ZNF638: variants seen among roughly 807,000 people sequenced by gnomAD.
ZNF638 encodes the protein zinc finger protein 638, also known as CTCL tumor antigen se33-1.
A neutral mutation model predicts 195.6 loss-of-function variants in ZNF638; 46 were observed. That is an observed-to-expected ratio of 0.24 (90% CI 0.19 to 0.30). The LOEUF (loss-of-function observed/expected upper bound fraction) is 0.30, where lower values mean the gene tolerates loss of function less well. Among genes scored for constraint, ZNF638 ranks in the 10% least tolerant of loss-of-function variants. ZNF638 has a pLI of 1.00. For synonymous variants in ZNF638, 845 were observed against 772.0 expected (o/e 1.09, Z -1.57); for missense variants, 2,440 against 2,325.3 (o/e 1.05, Z -1.01).
chr2:71,388,083 A>T (rs1037087307), intron 10 of ZNF638, among the ~76,000 whole-genome samples: 2 of 152,298 alleles, frequency 1.3e-5, no homozygotes, highest in African/African-American at 4.8e-5. Context: ...CATTTCAGTT[A>T]ACCATGTTAG....
chr2:71,337,862 A>G (rs189040181), intron 1 of ZNF638, among the ~76,000 whole-genome samples: 12 of 150,486 alleles, frequency 8.0e-5, no homozygotes, highest in African/African-American at 2.4e-4. Context: ...TTAGTCTGGA[A>G]CATTTCCATA....
chr2:71,349,985 C>A lies in ZNF638; in HGVS notation c.1031C>A (p.Ser344Tyr). ...QQPFSSELIS[S>Y]VSQQERIPHE... The stretch of plus-strand genomic sequence containing the variant: ...CCTTTTTCGTCGGAATTAATTTCAT[C>A]TGTAAGCCAGCAAGAGCGGATCCCA... The change falls in exon 2 of 28, where the codon TCT (serine) becomes TAT (tyrosine). Residue 344 changes from serine to tyrosine, a missense_variant. By Grantham distance (144) the Ser-to-Tyr change is moderately radical. This residue lies in a region of ZNF638 where 305 missense variants were observed against 283.6 expected (regional missense o/e 1.08). Transcript: ENST00000264447. 5.0e-6 allele frequency: 8 copies of A among 1,614,196 alleles called. No individual in the cohort carries two copies. The highest frequency in any genetic ancestry group is 1.1e-5 in the South Asian group (1 of 91,082).
chr2:71,383,623 G>T, intron 10 of ZNF638, among the ~76,000 whole-genome samples: 1 of 137,424 alleles, frequency 7.3e-6, no homozygotes. Flanking sequence ...TGCCTAGTTT[G>T]GAGTACAGTG....
chr2:71,350,706 G>A (rs1210943709), intron 2 of ZNF638, among the ~76,000 whole-genome samples: 1 of 152,188 alleles, frequency 6.6e-6, no homozygotes. Flanking sequence ...ATATACACCT[G>A]TCTTGGGATA....
chr2:71,367,013 A>T (rs2079212340), intron 6 of ZNF638, among the ~76,000 whole-genome samples: 1 of 152,176 alleles, frequency 6.6e-6, no homozygotes, highest in Admixed American at 6.5e-5. Context: ...TCTCAACAGT[A>T]TTTAAATACA....
intron 8 of ZNF638, chr2:71,379,810 A>C (rs2079501967): frequency 6.6e-6 from 1 of 152,590 alleles, no homozygotes; most frequent in Admixed American, 6.5e-5. Flanking sequence ...GGGCCATGCT[A>C]ATTACCGTAT....
chr2:71,360,995 C>G (rs2079099824), intron 3 of ZNF638, among the ~76,000 whole-genome samples: 1 of 152,108 alleles, frequency 6.6e-6, no homozygotes, highest in Admixed American at 6.6e-5. Flanking sequence ...GAACCTGAAC[C>G]TAATGAAGAT....
intron 1 of ZNF638, among the ~76,000 whole-genome samples, chr2:71,346,068 G>T (rs1438446824): frequency 6.6e-6 from 1 of 152,176 alleles, no homozygotes; most frequent in South Asian, 2.1e-4. Flanking sequence ...AATGGAGATT[G>T]TTCCAAATGA....
At chr2:71,373,418 A>G (rs1240816846) in intron 8 of ZNF638, among the ~76,000 whole-genome samples, 1 of 146,188 alleles carries the variant, frequency 6.8e-6, no homozygotes, top group Non-Finnish European at 1.5e-5. Flanking sequence ...TGTGTTATGC[A>G]TACATATATC....
In ZNF638 at chr2:71,406,047, A is replaced by G. The variant is rs1281791144; in HGVS notation, c.3001-81A>G. On this transcript the variant is annotated intron_variant, in intron 18 of 27. Coordinates refer to ENST00000264447, the MANE Select transcript of ZNF638 (RefSeq NM_014497.5). ...GAGAGAACATCATCTGACCTCTGTA[A>G]TAGTAAGTTAATGTTAATCTGTTTT... 3.3e-6 allele frequency: 5 copies of G among 1,518,526 alleles called. No individual in the cohort carries two copies. The Admixed American group carries it at 7.0e-5, about 21-fold the overall frequency. The allele number at this position is 1,518,526 out of a possible 1,614,324, so 94.1% of individuals were successfully genotyped here.
At chr2:71,399,031 C>T (rs1474026839) in intron 12 of ZNF638, among the ~76,000 whole-genome samples, 1 of 152,098 alleles carries the variant, frequency 6.6e-6, no homozygotes, top group African/African-American at 2.4e-5. Flanking sequence ...TCTGTCGTTT[C>T]CCTCCATAAA....
intron 12 of ZNF638, 145 bp downstream of exon 12, chr2:71,398,917 T>A: frequency 1.4e-6 from 1 of 711,514 alleles, no homozygotes; most frequent in East Asian, 2.8e-5. Context: ...GTTGGAATTT[T>A]ATCTTTGGCA....
At position 71,365,331 on chromosome 2, in the gene ZNF638, CCT is replaced by C. The variant is rs1253196597; in HGVS notation, c.1718-97_1718-96del. The C allele has an allele frequency of 1.4e-5, 14 of 973,730 alleles. No homozygotes were observed. The East Asian group carries it at 3.3e-4, about 23-fold the overall frequency. The allele number at this position is 973,730 out of a possible 1,614,324, so 60.3% of individuals were successfully genotyped here. A position where few individuals can be genotyped will look rare whatever the true frequency, so the allele number is the denominator to read the frequency against. On this transcript the variant is annotated intron_variant, in intron 5 of 27. Transcript: ENST00000264447. The stretch of plus-strand genomic sequence containing the variant: ...AGATTTTTGTATTGTCTGTGTGCTC[CCT>C]GTTTAGCTTGAGAATAGCACTATGT...
chr2:71,361,124 G>C (rs940134181), intron 3 of ZNF638, among the ~76,000 whole-genome samples: 1 of 152,178 alleles, frequency 6.6e-6, no homozygotes, highest in African/African-American at 2.4e-5. Context: ...ACCACGCTCA[G>C]CTAATTTTTT....
At chr2:71,410,145 G>A (rs13397218) in intron 20 of ZNF638, among the ~76,000 whole-genome samples, 26 of 152,136 alleles carry the variant, frequency 1.7e-4, no homozygotes, top group African/African-American at 6.3e-4. Flanking sequence ...AAAGGTTTTA[G>A]GATTTATATT....
chr2:71,360,684 G>A (rs2079094348), intron 3 of ZNF638, among the ~76,000 whole-genome samples: 1 of 151,546 alleles, frequency 6.6e-6, no homozygotes, highest in African/African-American at 2.4e-5. Flanking sequence ...TTTTCTATTT[G>A]TTTCCTTAGC....
rs1455792259 is a variant in ZNF638, at chr2:71,368,507, A to C, written c.2121A>C (p.Leu707=). The C allele has an allele frequency of 6.2e-7, 1 of 1,612,924 alleles. No homozygotes were observed. Among genetic ancestry groups the C allele is most frequent in the Non-Finnish European group, 8.5e-7 (1 of 1,179,642 alleles). The change falls in exon 7 of 28, where the codon CTA becomes CTC. Residue 707 remains leucine (L), a synonymous_variant. Transcript: ENST00000264447. ...FQPFGKVNDV[L]IVPYRKEAYL... ...CATTTGGGAAAGTGAATGATGTCCT[A>C]ATTGTTCCATATAGAAAAGAGGTGA... is the stretch of plus-strand genomic sequence containing the variant.
At chr2:71,407,011 A>G (rs771911802) in intron 19 of ZNF638, among the ~76,000 whole-genome samples, 12 of 152,166 alleles carry the variant, frequency 7.9e-5, no homozygotes, top group Admixed American at 2.0e-4. Flanking sequence ...AAAATAAAGT[A>G]ATCATTCCTT....
rs1165436022 is a variant in ZNF638 at position 71,434,999 on chromosome 2, G to T, written c.*192G>T. The T allele has an allele frequency of 1.0e-5, 5 of 498,262 alleles. No homozygotes were observed. The highest frequency in any genetic ancestry group is 1.1e-5 in the Non-Finnish European group (3 of 275,316). 30.9% of individuals were successfully genotyped at this position (498,262 alleles called of 1,614,324 possible). On this transcript the variant is annotated 3_prime_UTR_variant, in exon 28 of 28. Coordinates refer to ENST00000264447, the MANE Select transcript of ZNF638 (RefSeq NM_014497.5). ...TTTGATTTTTATATCAAATCATCAG[G>T]CATGGAGAAATATCTTTTAGAAGTG...
Sources: gnomAD v4.1 joint callset for allele counts (sites outside exome capture counted in the v4.1 genomes callset) on GRCh38, gnomAD v4.1.1 for gene constraint, gnomAD v4.1.1 regional missense constraint, MANE v1.5 for transcripts, NCBI Gene and HGNC (gene_info 2026-07-23, HGNC 2026-07-21) for gene names.